The following DAGLB variants were observed in gnomAD, a reference collection of about 807,000 sequenced individuals.
The protein encoded by DAGLB is diacylglycerol lipase beta.
Under a neutral mutation model 72.1 loss-of-function variants are expected in DAGLB, and 66 were observed. The ratio of observed to expected loss-of-function variants is 0.92; its 90% CI spans 0.75 to 1.12. The LOEUF (loss-of-function observed/expected upper bound fraction) is 1.12. Among genes scored for constraint, DAGLB ranks in the 50% most tolerant of loss-of-function variants. The pLI is 0.00. For missense variants in DAGLB, 1,065 were observed against 884.9 expected, an observed-to-expected ratio of 1.20 and a Z score of -2.58; for synonymous variants, 414 against 359.5, an observed-to-expected ratio of 1.15 and a Z score of -1.71.
intron 2 of DAGLB, among the ~76,000 whole-genome samples, chr7:6,442,896 A>G (rs1784875465): frequency 6.6e-6 from 1 of 151,882 alleles, no homozygotes; most frequent in African/African-American, 2.4e-5. Context: ...CTACTAGACC[A>G]GGTGCAGTGG....
intron 4 of DAGLB, among the ~76,000 whole-genome samples, chr7:6,434,290 C>G (rs564936165): frequency 3.3e-5 from 5 of 151,744 alleles, no homozygotes; most frequent in Non-Finnish European, 7.4e-5. Flanking sequence ...TCTAGAATGA[C>G]GCTCCCTTCT....
intron 13 of DAGLB, among the ~76,000 whole-genome samples, chr7:6,410,880 A>ATTTTTTTTTTTT (rs35960882): frequency 5.1e-5 from 5 of 98,234 alleles, no homozygotes; most frequent in Admixed American, 1.2e-4. Flanking sequence ...AATTTTTTGT[A>ATTTTTTTTTTTT]TTTTTTTTTT....
chr7:6,447,920 C>G lies in DAGLB; in HGVS notation c.-78G>C, dbSNP rs1025481280. ...AGAACAAACCAGCACCCTCCGGACG[C>G]CGCCACCAAATTATCGGCGCTCAAG... On this transcript the variant is annotated 5_prime_UTR_variant, in exon 1 of 15. Coordinates refer to ENST00000297056, the MANE Select transcript of DAGLB (RefSeq NM_139179.4). The G allele has an allele frequency of 5.4e-6, 8 of 1,477,378 alleles. No homozygotes were observed. Among genetic ancestry groups the G allele is most frequent in the East Asian group, 2.5e-5 (1 of 39,412 alleles). The allele number at this position is 1,477,378 out of a possible 1,614,324, so 91.5% of individuals were successfully genotyped here.
In DAGLB at chr7:6,447,787, A is replaced by G; in HGVS notation, c.56T>C (p.Val19Ala). Residue 19 changes from valine (V) to alanine (A), a missense_variant, in exon 1 of 15, where the codon GTC becomes GCC. Val to Ala is a moderately conservative substitution (Grantham distance 64, BLOSUM62 0). Transcript: ENST00000297056. ...RRWAIASDDLVFPGFFELVVR... is the reference protein window; with the variant it reads ...RRWAIASDDLAFPGFFELVVR... ...GACCAGCTCGAAGAACCCTGGGAAG[A>G]CCAAGTCGTCGCTGGCGATGGCCCA... 6.2e-7 allele frequency: 1 copy of G among 1,613,646 alleles called. No homozygotes were observed. The highest frequency in any genetic ancestry group is 1.1e-5 in the South Asian group (1 of 90,992).
At position 6,409,737 on chromosome 7, in the gene DAGLB, A is replaced by G. The variant is rs755806403; in HGVS notation, c.*100T>C. ...TCCCATCCGATTCCTGTTGATGGAC[A>G]TTCGCTGTTTTGGCGTCATGGGAAC... On this transcript the variant is annotated 3_prime_UTR_variant, in exon 15 of 15. Coordinates refer to ENST00000297056, the MANE Select transcript of DAGLB (RefSeq NM_139179.4). 3.0e-6 allele frequency: 4 copies of G among 1,322,714 alleles called. No individual in the cohort carries two copies. Among genetic ancestry groups the G allele is most frequent in the Admixed American group, 5.0e-5 (2 of 40,360 alleles). 81.9% of individuals were successfully genotyped at this position (1,322,714 alleles called of 1,614,324 possible). A position where few individuals can be genotyped will look rare whatever the true frequency, so the allele number is the denominator to read the frequency against.
chr7:6,433,111 A>C, intron 4 of DAGLB, 152 bp from the exon 5 acceptor site: 1 of 1,224,418 alleles, frequency 8.2e-7, no homozygotes, highest in Non-Finnish European at 1.1e-6. Flanking sequence ...TCCTGGCAGG[A>C]GTGCTTCTCT....
intron 2 of DAGLB, among the ~76,000 whole-genome samples, chr7:6,437,486 TG>T (rs1472164769): frequency 6.6e-6 from 1 of 151,272 alleles, no homozygotes; most frequent in Admixed American, 6.6e-5. Flanking sequence ...GGCTGGAGTG[TG>T]GTGGCACAAT....
intron 2 of DAGLB, among the ~76,000 whole-genome samples, chr7:6,443,517 G>A (rs1027011193): frequency 3.3e-5 from 5 of 152,138 alleles, no homozygotes; most frequent in Non-Finnish European, 7.3e-5. Flanking sequence ...TGGTAATCAG[G>A]CACATGCCAC....
At chr7:6,438,835 T>C (rs1784741498) in intron 2 of DAGLB, among the ~76,000 whole-genome samples, 1 of 151,920 alleles carries the variant, frequency 6.6e-6, no homozygotes, top group Admixed American at 6.6e-5. Context: ...CAGAGAGACC[T>C]CATCTCTGAT....
Position 6,447,924 on chromosome 7 carries a change from C to T in DAGLB, c.-82G>A. On this transcript the variant is annotated 5_prime_UTR_variant, in exon 1 of 15. Coordinates refer to ENST00000297056, the MANE Select transcript of DAGLB (RefSeq NM_139179.4). The stretch of plus-strand genomic sequence containing the variant: ...CAAACCAGCACCCTCCGGACGCCGC[C>T]ACCAAATTATCGGCGCTCAAGCGCA... 1 of 1,476,660 alleles carries T rather than the reference C, an allele frequency of 6.8e-7. No individual in the cohort carries two copies. Among genetic ancestry groups the T allele is most frequent in the Non-Finnish European group, 9.0e-7 (1 of 1,116,822 alleles). The allele number at this position is 1,476,660 out of a possible 1,614,324, so 91.5% of individuals were successfully genotyped here. A position where few individuals can be genotyped will look rare whatever the true frequency, so the allele number is the denominator to read the frequency against.
At position 6,447,904 on chromosome 7, in the gene DAGLB, C is replaced by G; in HGVS notation, c.-62G>C. 1 of 1,505,770 alleles carries G rather than the reference C, an allele frequency of 6.6e-7. No individual in the cohort carries two copies. Among genetic ancestry groups the G allele is most frequent in the Non-Finnish European group, 8.8e-7 (1 of 1,130,916 alleles). 93.3% of individuals were successfully genotyped at this position (1,505,770 alleles called of 1,614,324 possible). On this transcript the variant is annotated 5_prime_UTR_variant, in exon 1 of 15. Coordinates refer to ENST00000297056, the MANE Select transcript of DAGLB (RefSeq NM_139179.4). ...CGCGCGCCGTTCACCGAGAACAAAC[C>G]AGCACCCTCCGGACGCCGCCACCAA...
intron 8 of DAGLB, 35 bp downstream of exon 8, chr7:6,424,717 A>T: frequency 6.2e-7 from 1 of 1,608,570 alleles, no homozygotes; most frequent in Non-Finnish European, 8.5e-7. Context: ...TCCCGCACCC[A>T]CTCCCAGGGC....
chr7:6,419,991 T>C (rs549935748), intron 9 of DAGLB, among the ~76,000 whole-genome samples: 4 of 151,350 alleles, frequency 2.6e-5, no homozygotes, highest in Admixed American at 6.6e-5. Context: ...AAATAAAAAG[T>C]AGAAAATTAG....
At chr7:6,413,325 A>C (rs898030121) in intron 11 of DAGLB, among the ~76,000 whole-genome samples, 1 of 152,188 alleles carries the variant, frequency 6.6e-6, no homozygotes, top group African/African-American at 2.4e-5. Flanking sequence ...CGCGCTTGGA[A>C]GACTCCATCA....
intron 1 of DAGLB, among the ~76,000 whole-genome samples, chr7:6,447,138 C>G (rs1433769142): frequency 3.3e-5 from 5 of 152,222 alleles, no homozygotes; most frequent in African/African-American, 4.8e-5. Flanking sequence ...GGCGCCCAGC[C>G]AAGAATCTAC....
intron 2 of DAGLB, among the ~76,000 whole-genome samples, chr7:6,437,962 A>C (rs1784715540): frequency 6.6e-6 from 1 of 152,190 alleles, no homozygotes; most frequent in Non-Finnish European, 1.5e-5. Context: ...TTTTAAATTC[A>C]AAAAATTATC....
In DAGLB at chr7:6,447,766, A is replaced by C. The variant is rs1785058766; in HGVS notation, c.77T>G (p.Leu26Arg). Reference protein sequence around the residue: ...DDLVFPGFFELVVRVLWWIGI... With the variant: ...DDLVFPGFFERVVRVLWWIGI... ...TCCTTACCACAGCACTCGCACGACC[A>C]GCTCGAAGAACCCTGGGAAGACCAA... Residue 26 changes from leucine (L) to arginine (R), a missense_variant, in exon 1 of 15, where the codon CTG becomes CGG. Physicochemically the swap from Leu to Arg is moderately radical, Grantham distance 102. Coordinates refer to ENST00000297056, the MANE Select transcript of DAGLB (RefSeq NM_139179.4). 6.2e-7 allele frequency: 1 copy of C among 1,613,396 alleles called. No individual in the cohort carries two copies. Among genetic ancestry groups the C allele is most frequent in the African/African-American group, 1.3e-5 (1 of 74,872 alleles).
At chr7:6,418,615 G>C (rs1044731052) in intron 9 of DAGLB, among the ~76,000 whole-genome samples, 2 of 152,072 alleles carry the variant, frequency 1.3e-5, no homozygotes, top group Non-Finnish European at 2.9e-5. Flanking sequence ...AAATCCCACA[G>C]AAGATGGGAG....
chr7:6,436,941 G>A (rs1784678129), intron 2 of DAGLB, among the ~76,000 whole-genome samples: 1 of 152,038 alleles, frequency 6.6e-6, no homozygotes, highest in South Asian at 2.1e-4. Context: ...CCTGAGGTCA[G>A]GAGTTCGAGA....
Sources: allele counts gnomAD v4.1 joint callset (sites outside exome capture counted in the v4.1 genomes callset), GRCh38; gene constraint gnomAD v4.1.1; transcripts MANE v1.5; gene names NCBI Gene and HGNC (gene_info 2026-07-23, HGNC 2026-07-21).